The following NSD2 variants were observed in gnomAD, a reference collection of about 807,000 sequenced individuals.
NSD2 encodes histone-lysine N-methyltransferase NSD2.
A neutral mutation model predicts 139.0 loss-of-function variants in NSD2; 12 were observed. The ratio of observed to expected loss-of-function variants is 0.09; its 90% confidence interval spans 0.06 to 0.14. The LOEUF is 0.14. NSD2 is among the 10% of genes least tolerant of loss of function. The probability of loss-of-function intolerance (pLI) is 1.00; values close to 1 mark genes in which losing one functional copy is unlikely to be tolerated. For synonymous variants in NSD2, 669 were observed against 648.7 expected, an observed-to-expected ratio of 1.03 and a Z score of -0.48; for missense variants, 1,155 against 1,745.0, an observed-to-expected ratio of 0.66 and a Z score of 6.02.
intron 11 of NSD2, among the ~76,000 whole-genome samples, chr4:1,952,551 C>G (rs936924599): frequency 2.0e-5 from 3 of 152,222 alleles, no homozygotes; most frequent in Non-Finnish European, 4.4e-5. Context: ...AGGCGGCCAC[C>G]ACAGGGCACT....
At chr4:1,949,753 G>C (rs540809820) in intron 9 of NSD2, among the ~76,000 whole-genome samples, 114 of 147,258 alleles carry the variant, frequency 7.7e-4, no homozygotes, top group African/African-American at 2.8e-3. Context: ...GACAGAGCAA[G>C]ACTCTGTCTC....
At chr4:1,907,615 C>CTTTTTTTTTTTTTT (rs765535552) in intron 3 of NSD2, among the ~76,000 whole-genome samples, 4 of 93,630 alleles carry the variant, frequency 4.3e-5, no homozygotes, top group African/African-American at 8.2e-5. Flanking sequence ...TGTTGAATCT[C>CTTTTTTTTTTTTTT]TTTTTTTTTT....
At chr4:1,924,358 G>T (rs913629292) in intron 5 of NSD2, among the ~76,000 whole-genome samples, 1 of 152,032 alleles carries the variant, frequency 6.6e-6, no homozygotes, top group East Asian at 1.9e-4. Context: ...GTAAGGCGGT[G>T]TCGGGTGGGA....
chr4:1,874,953 A>G (rs1577344637), intron 1 of NSD2, among the ~76,000 whole-genome samples: 1 of 152,134 alleles, frequency 6.6e-6, no homozygotes, highest in Non-Finnish European at 1.5e-5. Flanking sequence ...ATATTTGTCT[A>G]TTGGTTGCAA....
rs201961899 is a variant in NSD2 at position 1,955,678 on chromosome 4, G to T, written c.2519-15G>T. ...CAGACAGGCTAAGCCTGGCCGCCTCGCCCTCCTCTTGCAGGGGGGAGCCTT... is the reference window on the plus strand; with the variant it reads ...CAGACAGGCTAAGCCTGGCCGCCTCTCCCTCCTCTTGCAGGGGGGAGCCTT... On this transcript the variant is annotated splice_polypyrimidine_tract_variant and intron_variant, in intron 13 of 21. Transcript: ENST00000508803. This position sits in a 1 kb window ranked among gnomAD's most constrained non-coding sequence, Gnocchi z 4.7. The T allele has an allele frequency of 5.7e-5, 92 of 1,607,368 alleles. 1 individual carries two copies. The African/African-American group carries it at 1.0e-3, about 18-fold the overall frequency.
intron 8 of NSD2, 61 bp downstream of exon 8, chr4:1,938,593 T>TGGGGGGGGGGGGG: frequency 7.8e-6 from 4 of 515,342 alleles, no homozygotes; most frequent in African/African-American, 2.3e-5. Flanking sequence ...GCTGGGTGGG[T>TGGGGGGGGGGGGG]GGGCTGAGAG....
At chr4:1,909,280 A>T (rs1399020040) in intron 3 of NSD2, among the ~76,000 whole-genome samples, 1 of 151,676 alleles carries the variant, frequency 6.6e-6, no homozygotes, top group Non-Finnish European at 1.5e-5. Context: ...CAACCCTAGC[A>T]TCAGCCGTTT....
chr4:1,898,966 C>T (rs1372032174), intron 1 of NSD2, among the ~76,000 whole-genome samples: 1 of 152,130 alleles, frequency 6.6e-6, no homozygotes, highest in African/African-American at 2.4e-5. Flanking sequence ...TTTGGTTGCT[C>T]TCAGTTCCTT....
At chr4:1,947,509 A>G in intron 9 of NSD2, 1 of 1,056,878 alleles carries the variant, frequency 9.5e-7, no homozygotes, top group Non-Finnish European at 1.1e-6. Flanking sequence ...TGTGTAACCT[A>G]GAAGGGTCAC....
At chr4:1,925,857 A>G (rs1395361439) in intron 5 of NSD2, among the ~76,000 whole-genome samples, 2 of 151,860 alleles carry the variant, frequency 1.3e-5, no homozygotes, top group African/African-American at 2.4e-5. Context: ...GCTGGAGTGC[A>G]GTGGTGCAAT....
intron 10 of NSD2, chr4:1,951,885 C>G (rs191089321): frequency 8.1e-4 from 488 of 603,542 alleles, no homozygotes; most frequent in African/African-American, 8.1e-3. Context: ...TTTGCCATTG[C>G]TGAGGACTGG....
Position 1,942,284 on chromosome 4 carries a change from T to G in NSD2, c.1881+2506T>G. ...TGATTTAAGTGTTTTGTAACTTCAT[T>G]TTTTATTCCTTTAGTAGAGCAAATT... On this transcript the variant is annotated intron_variant, in intron 9 of 21. Transcript: ENST00000508803. This position sits in a 1 kb window ranked among gnomAD's most constrained non-coding sequence, Gnocchi z 4.0. 6.3e-7 allele frequency: 1 copy of G among 1,597,390 alleles called. No homozygotes were observed. The highest frequency in any genetic ancestry group is 1.1e-5 in the South Asian group (1 of 87,896).
chr4:1,888,812 G>A (rs1009701004), intron 1 of NSD2, among the ~76,000 whole-genome samples: 1 of 151,518 alleles, frequency 6.6e-6, no homozygotes, highest in Non-Finnish European at 1.5e-5. Context: ...GTGATCCACC[G>A]GCCTCGGCCT....
rs1208325390 is a variant in NSD2, at chr4:1,945,642, C to T, written c.1882-5430C>T. The T allele has an allele frequency of 2.4e-5, 26 of 1,064,050 alleles. No individual in the cohort carries two copies. In the East Asian group the frequency reaches 3.0e-4, roughly 12 times the overall value. The allele number at this position is 1,064,050 out of a possible 1,614,324, so 65.9% of individuals were successfully genotyped here. On this transcript the variant is annotated intron_variant, in intron 9 of 21. Coordinates refer to ENST00000508803, the MANE Select transcript of NSD2 (RefSeq NM_001042424.3). ...TGGGCTTCTGTCCTCCTCTGTGTCC[C>T]GGCATGGAAGCCAGTATAAGCATTT...
chr4:1,902,220 T>A (rs1041589525), intron 2 of NSD2, among the ~76,000 whole-genome samples: 4 of 152,158 alleles, frequency 2.6e-5, no homozygotes, highest in African/African-American at 4.8e-5. Flanking sequence ...GTGAAGTTTT[T>A]AAATTTTATT....
Position 1,979,360 on chromosome 4 carries a change from GC to G in NSD2, c.*454del, listed in dbSNP as rs1195452911. 1.1e-3 allele frequency: 254 copies of G among 238,080 alleles called. 2 individuals carry two copies. In the East Asian group the frequency reaches 0.015, roughly 14 times the overall value. 14.7% of individuals were successfully genotyped at this position (238,080 alleles called of 1,614,324 possible). ...CGCCACTCGGGAGAGGCTGGGTGAG[GC>G]CCGTGTGAGGACTGACCCTGGATTC... is the stretch of plus-strand genomic sequence containing the variant. On this transcript the variant is annotated 3_prime_UTR_variant, in exon 22 of 22. Coordinates refer to ENST00000508803, the MANE Select transcript of NSD2 (RefSeq NM_001042424.3).
chr4:1,949,405 G>C (rs191918314), intron 9 of NSD2, among the ~76,000 whole-genome samples: 1 of 150,340 alleles, frequency 6.7e-6, no homozygotes, highest in African/African-American at 2.5e-5. Flanking sequence ...AGTGAGAAGA[G>C]AAGAGTGGCT....
rs57548242 is a variant in NSD2 at position 1,924,748 on chromosome 4, CA to C, written c.1411-5867del. Among the ~76,000 whole-genome samples the C allele has an allele frequency of 3.9e-3, 513 of 130,406 alleles. 3 individuals are homozygous for C. Among genetic ancestry groups the C allele is most frequent in the African/African-American group, 0.013 (475 of 35,470 alleles). 85.6% of individuals were successfully genotyped at this position (130,406 alleles called of 152,430 possible). A position where few individuals can be genotyped will look rare whatever the true frequency, so the allele number is the denominator to read the frequency against. On this transcript the variant is annotated intron_variant, in intron 5 of 21. Coordinates refer to ENST00000508803, the MANE Select transcript of NSD2 (RefSeq NM_001042424.3). ...CAACACAGTGAGACTCTCATCTCTA[CA>C]AAAAAAAAAACAAAACAAAACAAGA... is the stretch of plus-strand genomic sequence containing the variant.
At chr4:1,970,776 G>A (rs769235694) in intron 18 of NSD2, among the ~76,000 whole-genome samples, 1 of 152,270 alleles carries the variant, frequency 6.6e-6, no homozygotes, top group Admixed American at 6.5e-5. Flanking sequence ...GACATGTAAT[G>A]TCCGGGACAT....
Sources: allele counts gnomAD v4.1 joint callset (sites outside exome capture counted in the v4.1 genomes callset), GRCh38; gene constraint gnomAD v4.1.1; non-coding constraint Gnocchi (gnomAD v3.1); transcripts MANE v1.5; gene names NCBI Gene and HGNC (gene_info 2026-07-23, HGNC 2026-07-21).